Variants in GALNTL6 observed in about 807,000 individuals in gnomAD.
GALNTL6 encodes the protein polypeptide N-acetylgalactosaminyltransferase like 6.
Under a neutral mutation model 73.7 loss-of-function variants are expected in GALNTL6, and 46 were observed. The observed-to-expected ratio is 0.62, with a 90% confidence interval of 0.49 to 0.80. The LOEUF (loss-of-function observed/expected upper bound fraction) is 0.80, where lower values mean the gene tolerates loss of function less well. GALNTL6 is among the 30% of genes least tolerant of loss of function. The pLI, the probability that GALNTL6 is intolerant of heterozygous loss-of-function variation, is 0.00. For synonymous variants in GALNTL6, 259 were observed against 263.7 expected (o/e 0.98, Z 0.17); for missense variants, 604 against 755.0 (o/e 0.80, Z 2.34).
intron 2 of GALNTL6, among the ~76,000 whole-genome samples, chr4:172,104,308 T>C (rs1386058035): frequency 6.6e-6 from 1 of 152,156 alleles, no homozygotes; most frequent in Non-Finnish European, 1.5e-5. Flanking sequence ...GAATGTTTAT[T>C]AATCCAGAGT....
intron 2 of GALNTL6, among the ~76,000 whole-genome samples, chr4:172,007,745 T>C (rs899665796): frequency 6.6e-6 from 1 of 152,152 alleles, no homozygotes; most frequent in African/African-American, 2.4e-5. Context: ...GATTATTAAA[T>C]ATTCTTAATG....
chr4:172,134,726 T>G (rs921978742), intron 2 of GALNTL6, among the ~76,000 whole-genome samples: 2 of 152,170 alleles, frequency 1.3e-5, no homozygotes, highest in African/African-American at 4.8e-5. Flanking sequence ...TTGTAACAAA[T>G]AGCTACCATA....
chr4:172,588,392 G>A (rs548823285), intron 5 of GALNTL6, among the ~76,000 whole-genome samples: 3 of 152,116 alleles, frequency 2.0e-5, no homozygotes, highest in South Asian at 4.2e-4. Flanking sequence ...CCAGGATTTC[G>A]AGACCAGCTT....
chr4:172,528,528 T>G (rs1735050746), intron 5 of GALNTL6, among the ~76,000 whole-genome samples: 1 of 151,084 alleles, frequency 6.6e-6, no homozygotes, highest in South Asian at 2.1e-4. Flanking sequence ...CGGCTAATTT[T>G]TTATATTTTT....
intron 2 of GALNTL6, among the ~76,000 whole-genome samples, chr4:171,949,682 T>C (rs115078312): frequency 0.019 from 2,924 of 152,194 alleles, 80 homozygotes; most frequent in East Asian, 0.059. Context: ...AAAAATATAT[T>C]ATAAAAATGA....
At chr4:172,917,859 G>A (rs1747603842) in intron 8 of GALNTL6, among the ~76,000 whole-genome samples, 1 of 152,176 alleles carries the variant, frequency 6.6e-6, no homozygotes, top group Non-Finnish European at 1.5e-5. Context: ...CAAGGATCTA[G>A]AACTAGAAAT....
chr4:172,104,374 GA>G (rs1490788979), intron 2 of GALNTL6, among the ~76,000 whole-genome samples: 1 of 152,030 alleles, frequency 6.6e-6, no homozygotes, highest in East Asian at 1.9e-4. Context: ...GTTAACTCAA[GA>G]AACATCGACT....
chr4:171,943,898 T>C (rs1738625899), intron 2 of GALNTL6, among the ~76,000 whole-genome samples: 1 of 131,542 alleles, frequency 7.6e-6, no homozygotes, highest in Admixed American at 8.8e-5. Context: ...GAGACTAGAA[T>C]GCAAAGGTGG....
chr4:172,819,983 C>T (rs1263417111), intron 7 of GALNTL6, among the ~76,000 whole-genome samples: 1 of 152,220 alleles, frequency 6.6e-6, no homozygotes, highest in Admixed American at 6.5e-5. Context: ...CATCACTGAC[C>T]TTTACCAGTC....
chr4:172,820,905 T>C (rs2111022276), intron 7 of GALNTL6, among the ~76,000 whole-genome samples: 1 of 152,350 alleles, frequency 6.6e-6, no homozygotes, highest in Admixed American at 6.5e-5. Flanking sequence ...TTTGAGGGAT[T>C]AGATTAGAAT....
chr4:172,239,187 T>C (rs1737336919), intron 3 of GALNTL6, among the ~76,000 whole-genome samples: 1 of 152,144 alleles, frequency 6.6e-6, no homozygotes. Flanking sequence ...ACCAATTCTT[T>C]GTATGTCTGG....
intron 8 of GALNTL6, among the ~76,000 whole-genome samples, chr4:172,894,310 T>C (rs1270121770): frequency 6.6e-6 from 1 of 152,182 alleles, no homozygotes; most frequent in Non-Finnish European, 1.5e-5. Context: ...TTGAAGTTTG[T>C]CTATTTTTTA....
In GALNTL6 at chr4:172,497,991, C is replaced by CTTTTTTTTTT. The variant is rs10669113; in HGVS notation, c.553+149303_553+149312dup. 9.6e-5 allele frequency among the ~76,000 whole-genome samples: 10 copies of CTTTTTTTTTT among 104,544 alleles called. 1 individual carries two copies. The highest frequency in any genetic ancestry group is 9.3e-5 in the Non-Finnish European group (5 of 54,016). The allele number at this position is 104,544 out of a possible 152,430, so 68.6% of individuals were successfully genotyped here. ...ACAGACTTTGGGGAATGTCACATTT[C>CTTTTTTTTTT]TTTTTTTTTTGTTTTTTTGAGATGG... On this transcript the variant is annotated intron_variant, in intron 5 of 12. Transcript: ENST00000506823.
chr4:172,934,268 C>T (rs563193156), intron 9 of GALNTL6, among the ~76,000 whole-genome samples: 28 of 152,274 alleles, frequency 1.8e-4, no homozygotes, highest in Middle Eastern at 3.4e-3. Flanking sequence ...ACTGAATTAA[C>T]GAGTTTCATA....
At chr4:172,136,259 T>C (rs572734817) in intron 2 of GALNTL6, among the ~76,000 whole-genome samples, 1 of 152,220 alleles carries the variant, frequency 6.6e-6, no homozygotes, top group East Asian at 1.9e-4. Flanking sequence ...AGACTGGATA[T>C]GGGACTTTGT....
At chr4:172,001,510 A>G (rs1233216270) in intron 2 of GALNTL6, among the ~76,000 whole-genome samples, 2 of 152,172 alleles carry the variant, frequency 1.3e-5, no homozygotes, top group Non-Finnish European at 2.9e-5. Context: ...GAGTACATGA[A>G]GTTTAGTTTT....
chr4:172,629,206 T>C (rs1739286156), intron 5 of GALNTL6, among the ~76,000 whole-genome samples: 1 of 152,200 alleles, frequency 6.6e-6, no homozygotes, highest in African/African-American at 2.4e-5. Context: ...TAATTTGTGG[T>C]TCATCAAGAG....
intron 2 of GALNTL6, among the ~76,000 whole-genome samples, chr4:172,054,343 A>G (rs546439653): frequency 6.6e-6 from 1 of 152,192 alleles, no homozygotes; most frequent in Non-Finnish European, 1.5e-5. Context: ...TATATTTTAC[A>G]TACTTTATTT....
rs759413155 is a variant in GALNTL6, at chr4:173,018,147, T to A, written c.1489-3329T>A. Among the ~76,000 whole-genome samples, 3 of 152,340 alleles carry A rather than the reference T, an allele frequency of 2.0e-5. No individual in the cohort carries two copies. The South Asian group carries it at 6.2e-4, about 32-fold the overall frequency. The stretch of plus-strand genomic sequence containing the variant: ...TTGTTCCTGCATTGGTTGGACTGCC[T>A]ATAGTACAAGGGAAATGTGCTATTT... On this transcript the variant is annotated intron_variant, in intron 11 of 12. Transcript: ENST00000506823.
Sources: gnomAD v4.1 joint callset for allele counts (sites outside exome capture counted in the v4.1 genomes callset) on GRCh38, gnomAD v4.1.1 for gene constraint, MANE v1.5 for transcripts, NCBI Gene and HGNC (gene_info 2026-07-23, HGNC 2026-07-21) for gene names.